CSMD1: variants seen among roughly 807,000 people sequenced by gnomAD.
The protein encoded by CSMD1 is CUB and sushi domain-containing protein 1.
A neutral mutation model predicts 417.5 loss-of-function variants in CSMD1; 213 were observed. That is an observed-to-expected ratio of 0.51 (90% CI 0.46 to 0.57). The LOEUF (loss-of-function observed/expected upper bound fraction) is 0.57, where lower values mean the gene tolerates loss of function less well. Ranked by LOEUF, CSMD1 falls within the 20% of genes least tolerant of loss-of-function variation. CSMD1 has a pLI of 0.00. For missense variants in CSMD1, 6,923 were observed against 4,529.7 expected, an observed-to-expected ratio of 1.53 and a Z score of -15.17; for synonymous variants, 2,862 against 1,736.8, an observed-to-expected ratio of 1.65 and a Z score of -16.11.
chr8:4,036,456 CAAG>C (rs560424123), intron 3 of CSMD1, among the ~76,000 whole-genome samples: 17 of 152,204 alleles, frequency 1.1e-4, no homozygotes, highest in East Asian at 9.6e-4. Context: ...TGAGTCTCCC[CAAG>C]AAGGTGTCTG....
At chr8:4,413,188 A>C (rs556593053) in intron 3 of CSMD1, among the ~76,000 whole-genome samples, 4 of 152,306 alleles carry the variant, frequency 2.6e-5, no homozygotes, top group African/African-American at 9.6e-5. Flanking sequence ...TAAATTCACA[A>C]ACATCCCAGG....
chr8:3,183,026 G>C (rs925266564), intron 36 of CSMD1: 3 of 151,866 alleles, frequency 2.0e-5, no homozygotes, highest in Admixed American at 2.0e-4. Flanking sequence ...CCAAAGTGCT[G>C]GCTTTACAGG....
At chr8:3,604,686 C>T (rs2100137869) in intron 8 of CSMD1, among the ~76,000 whole-genome samples, 1 of 152,136 alleles carries the variant, frequency 6.6e-6, no homozygotes, top group Admixed American at 6.6e-5. Flanking sequence ...CTAGAGGTCC[C>T]TAGATATCTC....
At chr8:3,613,734 CA>C (rs1563200145) in intron 8 of CSMD1, among the ~76,000 whole-genome samples, 20 of 140,072 alleles carry the variant, frequency 1.4e-4, no homozygotes, top group African/African-American at 3.6e-4. Flanking sequence ...CACACACACA[CA>C]CACCTCAAAA....
chr8:4,855,652 G>T (rs1484145719), intron 1 of CSMD1, among the ~76,000 whole-genome samples: 1 of 152,234 alleles, frequency 6.6e-6, no homozygotes, highest in Non-Finnish European at 1.5e-5. Flanking sequence ...TCAACTGGAA[G>T]ATAGGGTATC....
At chr8:4,121,675 T>A (rs1201502766) in intron 3 of CSMD1, among the ~76,000 whole-genome samples, 1 of 151,844 alleles carries the variant, frequency 6.6e-6, no homozygotes, top group Non-Finnish European at 1.5e-5. Context: ...GATTTTCTAA[T>A]TTCAAAGTTG....
chr8:4,212,014 T>C lies in CSMD1; in HGVS notation c.416-179915A>G, dbSNP rs554794473. On this transcript the variant is annotated intron_variant, in intron 3 of 69. Coordinates refer to ENST00000635120, the MANE Select transcript of CSMD1 (RefSeq NM_033225.6). ...TATAAAATAGCAGTTGAAACTTGCA[T>C]TTGTGCAGCTGTAATGCAATAAAAG... 6.6e-5 allele frequency among the ~76,000 whole-genome samples: 10 copies of C among 152,216 alleles called. No individual in the cohort carries two copies. The South Asian group carries it at 2.1e-3, about 32-fold the overall frequency.
In CSMD1 at chr8:3,941,098, T is replaced by C. The variant is rs532575750; in HGVS notation, c.818+56805A>G. 7.2e-5 allele frequency among the ~76,000 whole-genome samples: 11 copies of C among 152,130 alleles called. 1 individual carries two copies. In the South Asian group the frequency reaches 1.5e-3, roughly 20 times the overall value. ...TATCCATCACCTTAAAATTTATCAT[T>C]TATGCTAGAAAATAAAAATAACTCA... is the stretch of plus-strand genomic sequence containing the variant. On this transcript the variant is annotated intron_variant, in intron 5 of 69. Transcript: ENST00000635120.
chr8:4,482,817 A>C (rs918643622), intron 2 of CSMD1, among the ~76,000 whole-genome samples: 6 of 152,192 alleles, frequency 3.9e-5, no homozygotes, highest in African/African-American at 1.4e-4. Flanking sequence ...ATCTCATTAA[A>C]GAAATGCAAA....
rs550143286 is a variant in CSMD1 at position 4,910,717 on chromosome 8, T to C, written c.85+83615A>G. On this transcript the variant is annotated intron_variant, in intron 1 of 69. Transcript: ENST00000635120. ...GAAATGTGTTTTAAGATATTCTTTG[T>C]AAGTGTTAAAAAATAATAAAGCACA... 2.7e-3 allele frequency among the ~76,000 whole-genome samples: 413 copies of C among 152,308 alleles called. 1 individual carries two copies. The highest frequency in any genetic ancestry group is 9.5e-3 in the African/African-American group (396 of 41,560).
At chr8:4,913,960 C>G (rs370355029) in intron 1 of CSMD1, among the ~76,000 whole-genome samples, 2 of 152,246 alleles carry the variant, frequency 1.3e-5, no homozygotes, top group South Asian at 4.2e-4. Context: ...TTAATTGTAG[C>G]CAATTAAGAT....
At chr8:4,815,227 ATT>A (rs1799137128) in intron 1 of CSMD1, among the ~76,000 whole-genome samples, 3 of 152,026 alleles carry the variant, frequency 2.0e-5, no homozygotes, top group Non-Finnish European at 4.4e-5. Flanking sequence ...TCATCAAATG[ATT>A]ATTTGATGAA....
chr8:4,227,776 C>T (rs1801447340), intron 3 of CSMD1, among the ~76,000 whole-genome samples: 1 of 150,460 alleles, frequency 6.6e-6, no homozygotes, highest in Admixed American at 6.6e-5. Flanking sequence ...CAATCCCAAA[C>T]CAGGAGACAC....
intron 2 of CSMD1, among the ~76,000 whole-genome samples, chr8:4,463,064 G>A (rs544692471): frequency 3.0e-4 from 46 of 152,224 alleles, no homozygotes; most frequent in Middle Eastern, 3.4e-3. Context: ...ACTTGCATCT[G>A]GAATACATAA....
At chr8:3,614,055 G>A (rs530438833) in intron 8 of CSMD1, among the ~76,000 whole-genome samples, 1 of 152,022 alleles carries the variant, frequency 6.6e-6, no homozygotes, top group Non-Finnish European at 1.5e-5. Flanking sequence ...TAACTAGCTT[G>A]TCTCTGTTAT....
chr8:4,058,333 T>C (rs1342585240), intron 3 of CSMD1, among the ~76,000 whole-genome samples: 1 of 152,124 alleles, frequency 6.6e-6, no homozygotes, highest in African/African-American at 2.4e-5. Flanking sequence ...TGGCTCTCTG[T>C]TTGCCTGTTA....
intron 3 of CSMD1, among the ~76,000 whole-genome samples, chr8:4,343,918 T>C (rs1208012701): frequency 6.6e-6 from 1 of 152,188 alleles, no homozygotes; most frequent in Non-Finnish European, 1.5e-5. Flanking sequence ...TTTTAAATAC[T>C]GCCAAGAGAA....
At chr8:3,406,293 A>G in intron 14 of CSMD1, 72 bp from the exon 15 acceptor site, 3 of 1,254,724 alleles carry the variant, frequency 2.4e-6, no homozygotes, top group Non-Finnish European at 3.3e-6. Flanking sequence ...AAAAAGAAGA[A>G]AACAGAACAA....
intron 37 of CSMD1, among the ~76,000 whole-genome samples, chr8:3,167,924 C>G (rs1033064948): frequency 6.6e-6 from 1 of 151,994 alleles, no homozygotes; most frequent in East Asian, 1.9e-4. Flanking sequence ...GATAAACATG[C>G]AATTTTAATC....
Sources: allele counts gnomAD v4.1 joint callset (sites outside exome capture counted in the v4.1 genomes callset), GRCh38; gene constraint gnomAD v4.1.1; transcripts MANE v1.5; gene names NCBI Gene and HGNC (gene_info 2026-07-23, HGNC 2026-07-21).